Variants in DECR2 observed in about 807,000 individuals in gnomAD.
DECR2 encodes the protein peroxisomal 2,4-dienoyl-CoA reductase [(3E)-enoyl-CoA-producing].
Under a neutral mutation model 29.2 loss-of-function variants are expected in DECR2, and 34 were observed. The ratio of observed to expected loss-of-function variants is 1.16; its 90% CI spans 0.89 to 1.55. The LOEUF (loss-of-function observed/expected upper bound fraction) is 1.55. Among genes scored for constraint, DECR2 ranks in the 40% most tolerant of loss-of-function variants. The pLI is 0.00. For missense variants in DECR2, 485 were observed against 425.3 expected (o/e 1.14, Z -1.23); for synonymous variants, 224 against 182.7 (o/e 1.23, Z -1.82).
chr16:411,008 C>A lies in DECR2; in HGVS notation c.593C>A (p.Pro198His). 2 of 1,603,478 alleles carry A rather than the reference C, an allele frequency of 1.2e-6. No homozygotes were observed. Among genetic ancestry groups the A allele is most frequent in the Non-Finnish European group, 1.7e-6 (2 of 1,175,632 alleles). ...MTRHLAVEWG[P>H]QNIRVNSLAP... ...CGGCACTTGGCTGTGGAGTGGGGTC[C>A]CCAAAACATCCGCGTCAACAGCCTC... is the stretch of plus-strand genomic sequence containing the variant. Residue 198 changes from proline (P) to histidine (H), a missense_variant, in exon 7 of 9, where the codon CCC becomes CAC. Transcript: ENST00000219481.
chr16:405,892 C>T (rs1049206409), intron 2 of DECR2, among the ~76,000 whole-genome samples: 1 of 152,218 alleles, frequency 6.6e-6, no homozygotes, highest in African/African-American at 2.4e-5. Flanking sequence ...AGCTGGAAAT[C>T]CTAGCGGCAT....
chr16:407,267 T>G, intron 3 of DECR2, 158 bp from the exon 4 acceptor site: 1 of 1,432,572 alleles, frequency 7.0e-7, no homozygotes, highest in Non-Finnish European at 9.1e-7. Flanking sequence ...TCCACTGGGG[T>G]CGTGGGCACT....
chr16:402,227 T>A (rs2054675619), intron 1 of DECR2, among the ~76,000 whole-genome samples, 184 bp downstream of exon 1: 1 of 150,730 alleles, frequency 6.6e-6, no homozygotes, highest in Admixed American at 6.6e-5. Flanking sequence ...CAGGCTGGAG[T>A]GCAGTGGCAC....
intron 3 of DECR2, chr16:406,651 C>CA (rs1200766787): frequency 1.6e-6 from 1 of 630,248 alleles, no homozygotes; most frequent in Non-Finnish European, 2.8e-6. Flanking sequence ...GTGCCCGCCA[C>CA]CACGCCTGGC....
chr16:407,943 GCCCCTGTCTCCAGGCCTCTGTCTCCGGC>G (rs1567340626), intron 4 of DECR2, among the ~76,000 whole-genome samples: 50 of 66,410 alleles, frequency 7.5e-4, no homozygotes, highest in East Asian at 1.9e-3. Flanking sequence ...CTGTCTCCGG[GCCCCTGTCTCCAGGCCTCTGTCTCCGGC>G]CCCCTGTCTC....
chr16:410,811 T>G lies in DECR2; in HGVS notation c.556+27T>G, dbSNP rs1227720466. On this transcript the variant is annotated intron_variant, in intron 6 of 8. Coordinates refer to ENST00000219481, the MANE Select transcript of DECR2 (RefSeq NM_020664.4). The surrounding 1 kb of genome is among the most constrained non-coding windows in gnomAD (Gnocchi z 4.1). ...TATGACCACCCCCCCCCGCCCAGGT[T>G]TGCCCACGTGGGTCCCCAATGGGCC... 6.4e-7 allele frequency: 1 copy of G among 1,556,450 alleles called. No homozygotes were observed. The highest frequency in any genetic ancestry group is 8.7e-7 in the Non-Finnish European group (1 of 1,150,378).
In DECR2 at chr16:411,435, G is replaced by T; in HGVS notation, c.736G>T (p.Ala246Ser). 1 of 1,613,494 alleles carries T rather than the reference G, an allele frequency of 6.2e-7. No individual in the cohort carries two copies. The highest frequency in any genetic ancestry group is 8.5e-7 in the Non-Finnish European group (1 of 1,180,002). The change falls in exon 8 of 9, where the codon GCC (alanine) becomes TCC (serine). Residue 246 changes from alanine to serine, a missense_variant. By Grantham distance (99) the Ala-to-Ser change is moderately conservative. Coordinates refer to ENST00000219481, the MANE Select transcript of DECR2 (RefSeq NM_020664.4). ...GAGGCTGGGGAACAAGACCGAGATC[G>T]CCCACAGCGTGCTCTACCTGGCCAG... is the stretch of plus-strand genomic sequence containing the variant. Reference protein sequence around the residue: ...LQRLGNKTEIAHSVLYLASPL... With the variant: ...LQRLGNKTEISHSVLYLASPL...
At chr16:407,010 G>T in intron 3 of DECR2, 1 of 1,032,424 alleles carries the variant, frequency 9.7e-7, no homozygotes, top group South Asian at 3.9e-5. Flanking sequence ...ATTGGGTTCT[G>T]GGAGGGACCT....
chr16:406,500 A>G (rs2054725891), intron 3 of DECR2, 103 bp downstream of exon 3: 1 of 1,295,320 alleles, frequency 7.7e-7, no homozygotes, highest in East Asian at 2.4e-5. Flanking sequence ...GTTGGCACCA[A>G]AACTTTTTTT....
At chr16:402,168 CTTTT>C (rs2054674513) in intron 1 of DECR2, 125 bp downstream of exon 1, 1 of 709,346 alleles carries the variant, frequency 1.4e-6, no homozygotes, top group Non-Finnish European at 2.0e-6. Flanking sequence ...TCCTTTCTTT[CTTTT>C]TTCTTTCTTT....
At chr16:405,328 TG>T in intron 2 of DECR2, 3 of 548,746 alleles carry the variant, frequency 5.5e-6, no homozygotes, top group South Asian at 4.4e-5. Context: ...CATTTTCTCC[TG>T]GGACACAATT....
At chr16:404,247 T>C (rs1262466375) in intron 1 of DECR2, among the ~76,000 whole-genome samples, 1 of 151,930 alleles carries the variant, frequency 6.6e-6, no homozygotes. Flanking sequence ...ATTTATTTAT[T>C]TATTTTTTAA....
rs13331692 is a variant in DECR2, at chr16:407,226, G to T, written c.202-199G>T. ...GAGGATTCTAGGACAGGTGGCAGGT[G>T]GGGGGAGAGCGTGGCAGGTTCCCAC... On this transcript the variant is annotated intron_variant, in intron 3 of 8. Coordinates refer to ENST00000219481, the MANE Select transcript of DECR2 (RefSeq NM_020664.4). 1.9e-5 allele frequency: 26 copies of T among 1,395,938 alleles called. No homozygotes were observed. In the East Asian group the frequency reaches 4.2e-4, roughly 22 times the overall value. The allele number at this position is 1,395,938 out of a possible 1,614,324, so 86.5% of individuals were successfully genotyped here.
In DECR2 at chr16:404,967, C is replaced by T. The variant is rs371095028; in HGVS notation, c.92C>T (p.Ala31Val). Residue 31 changes from alanine (A) to valine (V), a missense_variant, in exon 2 of 9, where the codon GCC (alanine) becomes GTC (valine). Transcript: ENST00000219481. Reference sequence around the variant, plus strand: ...TTTTTTATTCTCAGGGACAAAGTGGCCTTCATCACAGGAGGCGGCTCTGGG... The same window carrying T: ...TTTTTTATTCTCAGGGACAAAGTGGTCTTCATCACAGGAGGCGGCTCTGGG... The part of the protein sequence containing the change: ...FCPDLLRDKV[A>V]FITGGGSGIG... 1 of 1,614,100 alleles carries T rather than the reference C, an allele frequency of 6.2e-7. No individual in the cohort carries two copies.
rs1199725923 is a variant in DECR2, at chr16:404,470, C to A, written c.81-486C>A. Among the ~76,000 whole-genome samples, 3 of 152,020 alleles carry A rather than the reference C, an allele frequency of 2.0e-5. No homozygotes were observed. In the South Asian group the frequency reaches 6.2e-4, roughly 32 times the overall value. The stretch of plus-strand genomic sequence containing the variant: ...GGTCAGGCTGGTCTCGAACTCCCGA[C>A]CTCAGGTGATCCGCCCGCCTTGGCC... On this transcript the variant is annotated intron_variant, in intron 1 of 8. Coordinates refer to ENST00000219481, the MANE Select transcript of DECR2 (RefSeq NM_020664.4).
chr16:411,170 G>T, intron 7 of DECR2, 94 bp downstream of exon 7: 2 of 1,304,548 alleles, frequency 1.5e-6, no homozygotes, highest in Non-Finnish European at 2.1e-6. Flanking sequence ...GGTGTATGTT[G>T]AAAAGCCCTG....
Position 407,459 on chromosome 16 carries a change from G to T in DECR2, c.236G>T (p.Arg79Leu), listed in dbSNP as rs141623402. The change falls in exon 4 of 9, where the codon CGC (arginine) becomes CTC (leucine). Residue 79 changes from arginine to leucine, a missense_variant. By Grantham distance (102) the Arg-to-Leu change is moderately radical. Transcript: ENST00000219481. ...ARKLAGATGRRCLPLSMDVRA... is the reference protein window; with the variant it reads ...ARKLAGATGRLCLPLSMDVRA... Reference sequence around the variant, plus strand: ...AAGCTGGCTGGGGCCACCGGCCGGCGCTGCCTCCCTCTCTCTATGGACGTC... The same window carrying T: ...AAGCTGGCTGGGGCCACCGGCCGGCTCTGCCTCCCTCTCTCTATGGACGTC... 113 of 1,612,146 alleles carry T rather than the reference G, an allele frequency of 7.0e-5. No homozygotes were observed. In the African/African-American group the frequency reaches 1.3e-3, roughly 18 times the overall value.
At chr16:405,493 A>C (rs567561859) in intron 2 of DECR2, 1 of 1,290,828 alleles carries the variant, frequency 7.7e-7, no homozygotes, top group African/African-American at 1.5e-5. Context: ...TGGCCTTTCC[A>C]CTGGTGGCTT....
chr16:402,632 C>G (rs1480650926), intron 1 of DECR2, among the ~76,000 whole-genome samples: 1 of 144,514 alleles, frequency 6.9e-6, no homozygotes, highest in Non-Finnish European at 1.5e-5. Flanking sequence ...TGGGCGGATC[C>G]TTTTTTTTTT....
Sources: allele counts gnomAD v4.1 joint callset (sites outside exome capture counted in the v4.1 genomes callset), GRCh38; gene constraint gnomAD v4.1.1; non-coding constraint Gnocchi (gnomAD v3.1); transcripts MANE v1.5; gene names NCBI Gene and HGNC (gene_info 2026-07-23, HGNC 2026-07-21).